TTC7A: variants seen among roughly 807,000 people sequenced by gnomAD.
TTC7A encodes the protein tetratricopeptide repeat protein 7A.
In TTC7A, 110 loss-of-function variants were observed where a neutral mutation model predicts 103.7. The ratio of observed to expected loss-of-function variants is 1.06; its 90% CI spans 0.91 to 1.24. The LOEUF (loss-of-function observed/expected upper bound fraction) is 1.24. Ranked by LOEUF, TTC7A falls within the 50% of genes most tolerant of loss-of-function variation. TTC7A has a pLI of 0.00. For synonymous variants in TTC7A, 521 were observed against 467.9 expected (o/e 1.11, Z -1.47); for missense variants, 1,340 against 1,116.3 (o/e 1.20, Z -2.86).
At chr2:46,959,450 G>C (rs962363019) in intron 3 of TTC7A, among the ~76,000 whole-genome samples, 7 of 152,158 alleles carry the variant, frequency 4.6e-5, no homozygotes, top group Non-Finnish European at 1.0e-4. Flanking sequence ...AGGCACATCT[G>C]GCTGGAGGAG....
At chr2:47,049,916 C>A in intron 16 of TTC7A, 33 bp from the exon 17 acceptor site, 1 of 1,568,376 alleles carries the variant, frequency 6.4e-7, no homozygotes, top group Non-Finnish European at 8.8e-7. Flanking sequence ...AGCCCTCTAC[C>A]TTACCGGACC....
chr2:47,023,288 C>T, intron 12 of TTC7A, 120 bp from the exon 13 acceptor site: 1 of 1,054,184 alleles, frequency 9.5e-7, no homozygotes, highest in Non-Finnish European at 1.4e-6. Flanking sequence ...TTGAAGTTTG[C>T]CAGATGGGAC....
chr2:46,940,715 A>T (rs1286009929), upstream of TTC7A, among the ~76,000 whole-genome samples: 2 of 152,228 alleles, frequency 1.3e-5, no homozygotes, highest in Non-Finnish European at 2.9e-5. This position sits in a 1 kb window ranked among gnomAD's most constrained non-coding sequence, Gnocchi z 4.7. Context: ...CTCCCAGCAG[A>T]GGGGCGTCCA....
At chr2:46,986,229 CCTG>C (rs1343953055) in intron 5 of TTC7A, among the ~76,000 whole-genome samples, 3 of 152,280 alleles carry the variant, frequency 2.0e-5, no homozygotes, top group Admixed American at 6.5e-5. Flanking sequence ...TACATTCCAT[CCTG>C]CCCTCCTAGC....
chr2:47,038,651 C>G (rs1226440061), intron 15 of TTC7A, among the ~76,000 whole-genome samples: 2 of 78,406 alleles, frequency 2.6e-5, no homozygotes, highest in Admixed American at 1.5e-4. Flanking sequence ...TCCCCCCACC[C>G]ACCCCCCCGA....
At chr2:46,934,852 G>A (rs927156257) in intron 2 of TTC7A, among the ~76,000 whole-genome samples, 1 of 131,066 alleles carries the variant, frequency 7.6e-6, no homozygotes. Flanking sequence ...CCAGGCTGGA[G>A]TGCAGTGGCA....
At chr2:46,988,355 G>C (rs1675261431) in intron 5 of TTC7A, among the ~76,000 whole-genome samples, 1 of 152,188 alleles carries the variant, frequency 6.6e-6, no homozygotes, top group South Asian at 2.1e-4. Flanking sequence ...TGAACAGTTT[G>C]ATGACCATTT....
At chr2:46,973,503 G>T (rs996049488) in intron 3 of TTC7A, among the ~76,000 whole-genome samples, 1 of 152,204 alleles carries the variant, frequency 6.6e-6, no homozygotes. Flanking sequence ...GCAGGTTGCC[G>T]GTTGAGGTGA....
intron 8 of TTC7A, among the ~76,000 whole-genome samples, chr2:46,995,453 C>T (rs1304407543): frequency 6.6e-6 from 1 of 152,224 alleles, no homozygotes. Flanking sequence ...CCTAAGTCCC[C>T]ACCCACCTCT....
intron 18 of TTC7A, among the ~76,000 whole-genome samples, chr2:47,055,571 C>T (rs981790706): frequency 2.6e-5 from 4 of 152,140 alleles, no homozygotes; most frequent in Admixed American, 6.5e-5. Context: ...CCCTTCATCC[C>T]CCATGACCCC....
chr2:46,994,141 A>G (rs1244025818), intron 6 of TTC7A: 7 of 570,520 alleles, frequency 1.2e-5, no homozygotes, highest in African/African-American at 1.9e-5. Flanking sequence ...AAGATGAGGT[A>G]GGAGCCGTCT....
chr2:46,949,721 T>A (rs777687433), intron 1 of TTC7A, among the ~76,000 whole-genome samples: 16 of 152,118 alleles, frequency 1.1e-4, no homozygotes, highest in Non-Finnish European at 1.9e-4. Context: ...TTATCCTGAG[T>A]CATGTCAAAT....
intron 19 of TTC7A, among the ~76,000 whole-genome samples, chr2:47,061,190 A>T (rs1407710506): frequency 1.3e-5 from 2 of 152,032 alleles, no homozygotes; most frequent in African/African-American, 4.8e-5. Context: ...TTTCCCTTCA[A>T]TCAGGGTCTG....
intron 2 of TTC7A, among the ~76,000 whole-genome samples, chr2:46,929,778 C>T (rs953614754): frequency 6.6e-6 from 1 of 152,242 alleles, no homozygotes; most frequent in Non-Finnish European, 1.5e-5. Context: ...CACTGCCCAT[C>T]TCTGGGCATT....
chr2:46,987,539 C>T (rs908911247), intron 5 of TTC7A, among the ~76,000 whole-genome samples: 1 of 152,206 alleles, frequency 6.6e-6, no homozygotes, highest in Non-Finnish European at 1.5e-5. Context: ...GCCCATTTCT[C>T]TCTGAGTTGG....
At chr2:47,056,450 C>G (rs772933737) in intron 18 of TTC7A, among the ~76,000 whole-genome samples, 3 of 152,188 alleles carry the variant, frequency 2.0e-5, no homozygotes, top group Non-Finnish European at 4.4e-5. Flanking sequence ...GGGGTGGGCC[C>G]AGGCTCTCTG....
intron 16 of TTC7A, among the ~76,000 whole-genome samples, chr2:47,049,428 GC>G (rs1205720446): frequency 6.6e-6 from 1 of 151,940 alleles, no homozygotes; most frequent in African/African-American, 2.4e-5. Context: ...ATCTCCAGGG[GC>G]TACCCCTGGA....
At chr2:46,977,388 T>A (rs1202149472) in intron 4 of TTC7A, among the ~76,000 whole-genome samples, 1 of 152,224 alleles carries the variant, frequency 6.6e-6, no homozygotes. Context: ...GGATGCCTCA[T>A]TGATTTTTTT....
At chr2:47,002,549 C>T (rs1321439665) in intron 8 of TTC7A, among the ~76,000 whole-genome samples, 5 of 149,344 alleles carry the variant, frequency 3.3e-5, no homozygotes, top group African/African-American at 9.9e-5. Context: ...CATGGGGGTA[C>T]ACCATGTGGC....
Sources: gnomAD v4.1 joint callset for allele counts (sites outside exome capture counted in the v4.1 genomes callset) on GRCh38, gnomAD v4.1.1 for gene constraint, Gnocchi (gnomAD v3.1) non-coding constraint, MANE v1.5 for transcripts, NCBI Gene and HGNC (gene_info 2026-07-23, HGNC 2026-07-21) for gene names.